NELL2: variants seen among roughly 807,000 people sequenced by gnomAD.
NELL2 encodes the protein neural EGFL like 2.
Under a neutral mutation model 109.6 loss-of-function variants are expected in NELL2, and 41 were observed. That is an observed-to-expected ratio of 0.37 (90% CI 0.29 to 0.49). NELL2 has a LOEUF of 0.49. Among genes scored for constraint, NELL2 ranks in the 20% least tolerant of loss-of-function variants. The pLI, the probability that NELL2 is intolerant of heterozygous loss-of-function variation, is 0.98. For missense variants in NELL2, 900 were observed against 1,008.3 expected (o/e 0.89, Z 1.45); for synonymous variants, 355 against 344.7 (o/e 1.03, Z -0.33).
Position 44,603,631 on chromosome 12 carries a change from T to A in NELL2, c.1663+3538A>T, listed in dbSNP as rs956318278. Among the ~76,000 whole-genome samples, 3 of 152,180 alleles carry A rather than the reference T, an allele frequency of 2.0e-5. No homozygotes were observed. In the East Asian group the frequency reaches 5.8e-4, roughly 29 times the overall value. On this transcript the variant is annotated intron_variant, in intron 15 of 19. Coordinates refer to ENST00000429094, the MANE Select transcript of NELL2 (RefSeq NM_001145108.2). Reference sequence around the variant, plus strand: ...GGATATTTAATTAAAAATGAAGTTATGCTGTACATGCGGGTGATTTTATAC... The same window carrying A: ...GGATATTTAATTAAAAATGAAGTTAAGCTGTACATGCGGGTGATTTTATAC...
chr12:44,610,896 T>C lies in NELL2; in HGVS notation c.1519A>G (p.Asn507Asp). Residue 507 changes from asparagine to aspartate, a missense_variant, in exon 14 of 20, where the codon AAC becomes GAC. This residue lies in a region of NELL2 where 333 missense variants were observed against 432.3 expected (regional missense o/e 0.77). Coordinates refer to ENST00000429094, the MANE Select transcript of NELL2 (RefSeq NM_001145108.2). The part of the protein sequence containing the change: ...ALCFNTVGGH[N>D]CVCKPGYTGN... The stretch of plus-strand genomic sequence containing the variant: ...GTATAGCCCGGCTTGCAAACACAGT[T>C]GTGTCCTCCAACAGTGTTGAAGCAT... 1 of 1,613,236 alleles carries C rather than the reference T, an allele frequency of 6.2e-7. No individual in the cohort carries two copies. Among genetic ancestry groups the C allele is most frequent in the Non-Finnish European group, 8.5e-7 (1 of 1,179,398 alleles).
At chr12:44,800,517 T>C (rs546710933) in intron 3 of NELL2, among the ~76,000 whole-genome samples, 5 of 152,224 alleles carry the variant, frequency 3.3e-5, no homozygotes, top group African/African-American at 9.6e-5. Flanking sequence ...AAAGTAATAT[T>C]CCCAAAATGG....
intron 1 of NELL2, among the ~76,000 whole-genome samples, chr12:44,895,078 G>A (rs1945577832): frequency 6.6e-6 from 1 of 152,132 alleles, no homozygotes; most frequent in Non-Finnish European, 1.5e-5. Flanking sequence ...CATTTGATTA[G>A]TTGGAGTTGG....
intron 3 of NELL2, among the ~76,000 whole-genome samples, chr12:44,794,956 C>T (rs1942566717): frequency 6.6e-6 from 1 of 152,100 alleles, no homozygotes; most frequent in South Asian, 2.1e-4. Context: ...ATAAAGTTAA[C>T]CTTTTATAGT....
Position 44,749,494 on chromosome 12 carries a change from A to T in NELL2, c.994+25253T>A, listed in dbSNP as rs117733231. On this transcript the variant is annotated intron_variant, in intron 9 of 19. Transcript: ENST00000429094. ...TCAAAAATTACTGCAGCACTGAAGC[A>T]GGTGTCAGATGACACCTCTTCTTGC... is the stretch of plus-strand genomic sequence containing the variant. Among the ~76,000 whole-genome samples, 60 of 152,286 alleles carry T rather than the reference A, an allele frequency of 3.9e-4. No homozygotes were observed. In the East Asian group the frequency reaches 0.012, roughly 29 times the overall value.
At chr12:44,556,824 A>G (rs906134878) in intron 15 of NELL2, among the ~76,000 whole-genome samples, 1 of 152,232 alleles carries the variant, frequency 6.6e-6, no homozygotes, top group Non-Finnish European at 1.5e-5. Context: ...AACAAAGGGA[A>G]GAGCCTGTGC....
chr12:44,791,652 G>A (rs12307338), intron 3 of NELL2, among the ~76,000 whole-genome samples: 3,759 of 151,292 alleles, frequency 0.025, 156 homozygotes, highest in African/African-American at 0.087. Flanking sequence ...AAAAAAAATA[G>A]TGGAGCTGGA....
chr12:44,827,742 T>C (rs1943760996), intron 2 of NELL2, among the ~76,000 whole-genome samples: 1 of 152,216 alleles, frequency 6.6e-6, no homozygotes, highest in Admixed American at 6.5e-5. Context: ...CTTTCAAATC[T>C]TGGCTATTGT....
At chr12:44,607,007 A>G (rs1269335807) in intron 15 of NELL2, among the ~76,000 whole-genome samples, 162 bp downstream of exon 15, 1 of 152,148 alleles carries the variant, frequency 6.6e-6, no homozygotes, top group African/African-American at 2.4e-5. Flanking sequence ...GCCCAGCGAA[A>G]TGCATCACTG....
At chr12:44,570,749 T>C (rs1356935833) in intron 15 of NELL2, among the ~76,000 whole-genome samples, 1 of 152,208 alleles carries the variant, frequency 6.6e-6, no homozygotes, top group Non-Finnish European at 1.5e-5. Flanking sequence ...CTCTGCTAAC[T>C]TGTCCTTGAA....
intron 12 of NELL2, 28 bp downstream of exon 12, chr12:44,703,698 C>T (rs1250307311): frequency 1.2e-6 from 2 of 1,611,552 alleles, no homozygotes; most frequent in African/African-American, 2.7e-5. Flanking sequence ...ATTTATACAG[C>T]TGAGCTACAC....
chr12:44,549,793 T>G (rs2136163557), intron 15 of NELL2, among the ~76,000 whole-genome samples: 1 of 152,282 alleles, frequency 6.6e-6, no homozygotes, highest in Middle Eastern at 3.4e-3. Flanking sequence ...TTGGAAGGCT[T>G]CACATTGTTA....
intron 3 of NELL2, among the ~76,000 whole-genome samples, chr12:44,803,798 C>A (rs1415325752): frequency 6.6e-6 from 1 of 151,752 alleles, no homozygotes; most frequent in African/African-American, 2.4e-5. Context: ...AAATAACTTA[C>A]TAACAAATAT....
chr12:44,876,471 C>A, upstream of NELL2: 2 of 1,322,276 alleles, frequency 1.5e-6, no homozygotes, highest in South Asian at 2.2e-5. Flanking sequence ...CAAACCCGGT[C>A]TAGGGAGCCC....
rs147880663 is a variant in NELL2 at position 44,671,697 on chromosome 12, C to T, written c.1319-6088G>A. ...GGATAAATTCCTGGACACATACAACCTACCAAGACTGAACCAGAAAGAAAT... is the reference window on the plus strand; with the variant it reads ...GGATAAATTCCTGGACACATACAACTTACCAAGACTGAACCAGAAAGAAAT... On this transcript the variant is annotated intron_variant, in intron 12 of 19. Coordinates refer to ENST00000429094, the MANE Select transcript of NELL2 (RefSeq NM_001145108.2). 1.6e-3 allele frequency among the ~76,000 whole-genome samples: 246 copies of T among 152,160 alleles called. 1 individual carries two copies. The Middle Eastern group carries it at 0.024, about 15-fold the overall frequency.
intron 1 of NELL2, among the ~76,000 whole-genome samples, chr12:44,902,521 T>C (rs921704600): frequency 9.9e-5 from 15 of 152,108 alleles, no homozygotes; most frequent in Non-Finnish European, 1.8e-4. Context: ...CAAGCTACCA[T>C]TGACTTTCTT....
intron 1 of NELL2, among the ~76,000 whole-genome samples, chr12:44,913,394 T>C (rs1254230983): frequency 6.6e-6 from 1 of 152,176 alleles, no homozygotes; most frequent in Admixed American, 6.5e-5. Flanking sequence ...TTCTTTATAC[T>C]TCTTCCTAGT....
intron 9 of NELL2, among the ~76,000 whole-genome samples, chr12:44,723,782 C>T (rs1237373450): frequency 6.6e-6 from 1 of 152,100 alleles, no homozygotes; most frequent in Non-Finnish European, 1.5e-5. Context: ...AACTCTTATA[C>T]ACTGTTGGTG....
intron 3 of NELL2, among the ~76,000 whole-genome samples, chr12:44,781,706 T>A (rs1392022412): frequency 6.6e-6 from 1 of 152,108 alleles, no homozygotes; most frequent in Non-Finnish European, 1.5e-5. Flanking sequence ...AGTGTGTTTC[T>A]CAGTAGAAAC....
Sources: allele counts gnomAD v4.1 joint callset (sites outside exome capture counted in the v4.1 genomes callset), GRCh38; gene constraint gnomAD v4.1.1; regional missense constraint gnomAD v4.1.1; transcripts MANE v1.5; gene names NCBI Gene and HGNC (gene_info 2026-07-23, HGNC 2026-07-21).